The following QTMAN variants were observed in gnomAD, a reference collection of about 807,000 sequenced individuals.
The protein encoded by QTMAN is tRNA-queuosine alpha-mannosyltransferase.
At chr2:143,979,606 G>C in the QTMAN span, among the ~76,000 whole-genome samples, 2 of 152,116 alleles carry the variant, frequency 1.3e-5, no homozygotes, top group East Asian at 1.9e-4. Context: ...ATATAGATTT[G>C]TATAAGCATA....
chr2:144,076,105 G>T, the QTMAN span, among the ~76,000 whole-genome samples: 1 of 152,136 alleles, frequency 6.6e-6, no homozygotes, highest in Non-Finnish European at 1.5e-5. Context: ...AAATTAGCTG[G>T]GCGTGGTGGC....
the QTMAN span, among the ~76,000 whole-genome samples, chr2:144,219,384 G>A: frequency 3.3e-5 from 5 of 152,150 alleles, no homozygotes; most frequent in Non-Finnish European, 7.3e-5. Context: ...ACCCATCTCG[G>A]CCTCCCAAAG....
the QTMAN span, among the ~76,000 whole-genome samples, chr2:143,969,985 A>G: frequency 2.6e-5 from 4 of 152,222 alleles, no homozygotes; most frequent in Non-Finnish European, 5.9e-5. Flanking sequence ...ATAATGCTGA[A>G]CACCCAAAGC....
chr2:144,201,191 C>T, the QTMAN span, among the ~76,000 whole-genome samples: 2 of 152,046 alleles, frequency 1.3e-5, no homozygotes, highest in South Asian at 4.1e-4. Context: ...CATTTTAGAT[C>T]GGGTGCTCAG....
At chr2:144,288,930 AAAAG>A in the QTMAN span, among the ~76,000 whole-genome samples, 1 of 152,194 alleles carries the variant, frequency 6.6e-6, no homozygotes, top group African/African-American at 2.4e-5. Context: ...GGGAGAAACA[AAAAG>A]GAAGGAAGAA....
chr2:144,002,341 GA>G, the QTMAN span, among the ~76,000 whole-genome samples: 1 of 151,842 alleles, frequency 6.6e-6, no homozygotes, highest in Non-Finnish European at 1.5e-5. Flanking sequence ...GTCTTTTCAT[GA>G]AACAGTGAGT....
the QTMAN span, among the ~76,000 whole-genome samples, chr2:143,973,828 C>T: frequency 2.0e-5 from 3 of 151,470 alleles, no homozygotes; most frequent in East Asian, 1.9e-4. Context: ...GCCTAATATT[C>T]AATTATTAAA....
chr2:144,217,639 C>T, the QTMAN span, among the ~76,000 whole-genome samples: 1 of 151,874 alleles, frequency 6.6e-6, no homozygotes, highest in Non-Finnish European at 1.5e-5. Context: ...TCCCAGAGTC[C>T]AACATAATCA....
At chr2:144,171,134 A>G in the QTMAN span, among the ~76,000 whole-genome samples, 1 of 152,168 alleles carries the variant, frequency 6.6e-6, no homozygotes, top group African/African-American at 2.4e-5. Flanking sequence ...TAATAATGAA[A>G]TGTGCTGATA....
the QTMAN span, among the ~76,000 whole-genome samples, chr2:144,167,425 T>C: frequency 6.6e-6 from 1 of 152,134 alleles, no homozygotes; most frequent in Non-Finnish European, 1.5e-5. Context: ...GTACACTAAT[T>C]GATACGGTTT....
the QTMAN span, among the ~76,000 whole-genome samples, chr2:144,198,991 C>T: frequency 6.6e-6 from 1 of 152,032 alleles, no homozygotes; most frequent in Admixed American, 6.6e-5. Context: ...TTTAACATCC[C>T]CTTAGATCTA....
chr2:144,070,179 G>A, the QTMAN span, among the ~76,000 whole-genome samples: 1 of 151,990 alleles, frequency 6.6e-6, no homozygotes, highest in African/African-American at 2.4e-5. Context: ...AATGTTGAAT[G>A]TAATTGCTAC....
chr2:144,315,588 A>G, the QTMAN span, among the ~76,000 whole-genome samples: 1 of 152,184 alleles, frequency 6.6e-6, no homozygotes, highest in Non-Finnish European at 1.5e-5. Context: ...TATTTCAGTA[A>G]CATCTATTTC....
chr2:144,206,164 C>T, the QTMAN span, among the ~76,000 whole-genome samples: 1 of 152,146 alleles, frequency 6.6e-6, no homozygotes, highest in South Asian at 2.1e-4. Context: ...TATGTATCTA[C>T]ATTCAAAGTC....
chr2:144,120,522 T>A, the QTMAN span, among the ~76,000 whole-genome samples: 1 of 152,256 alleles, frequency 6.6e-6, no homozygotes, highest in African/African-American at 2.4e-5. Context: ...AATTATATGA[T>A]GGACATCTGC....
chr2:144,291,046 A>T, the QTMAN span, among the ~76,000 whole-genome samples: 2 of 152,186 alleles, frequency 1.3e-5, no homozygotes, highest in Non-Finnish European at 2.9e-5. Context: ...ATCTTCTAGT[A>T]GCCTCAGGCA....
chr2:144,034,062 G>C, the QTMAN span, among the ~76,000 whole-genome samples: 2 of 152,204 alleles, frequency 1.3e-5, no homozygotes, highest in African/African-American at 2.4e-5. Context: ...CTTGTTCTCT[G>C]CTGTTTGTTC....
the QTMAN span, among the ~76,000 whole-genome samples, chr2:144,082,951 TA>T: frequency 6.6e-6 from 1 of 152,062 alleles, no homozygotes; most frequent in Admixed American, 6.6e-5. Flanking sequence ...TGGAGACAGC[TA>T]TGTTTGCCTT....
At chr2:144,001,463 G>A in the QTMAN span, among the ~76,000 whole-genome samples, 2 of 151,746 alleles carry the variant, frequency 1.3e-5, no homozygotes. Context: ...ATTATTTTAT[G>A]GAAAATGCTG....
Sources: allele counts gnomAD v4.1 joint callset (sites outside exome capture counted in the v4.1 genomes callset), GRCh38; gene constraint gnomAD v4.1.1; transcripts MANE v1.5; gene names NCBI Gene and HGNC (gene_info 2026-07-23, HGNC 2026-07-21).